The following SPAG1 variants were observed in gnomAD, a reference collection of about 807,000 sequenced individuals.
SPAG1 encodes the protein sperm associated antigen 1.
In SPAG1, 69 loss-of-function variants were observed where a neutral mutation model predicts 100.5. That is an observed-to-expected ratio of 0.69 (90% confidence interval 0.57 to 0.84). SPAG1 has a LOEUF of 0.84. SPAG1 is among the 40% of genes least tolerant of loss of function. The probability of loss-of-function intolerance (pLI) is 0.00; values close to 1 mark genes in which losing one functional copy is unlikely to be tolerated. For missense variants in SPAG1, 955 were observed against 1,133.1 expected (o/e 0.84, Z 2.26); for synonymous variants, 336 against 411.6 (o/e 0.82, Z 2.22).
At position 100,240,713 on chromosome 8, in the gene SPAG1, A is replaced by C; in HGVS notation, c.2591A>C (p.Lys864Thr). Residue 864 changes from lysine to threonine, a missense_variant, in exon 18 of 19, where the codon AAA (lysine) becomes ACA (threonine). Transcript: ENST00000388798. Reference protein sequence around the residue: ...IQSLKNNLIEKDPSLVYQHLL... With the variant: ...IQSLKNNLIETDPSLVYQHLL... The stretch of plus-strand genomic sequence containing the variant: ...TCTCTGAAAAATAATCTTATTGAAA[A>C]AGATCCCTCATTGGTGTATCAGCAT... 6.2e-7 allele frequency: 1 copy of C among 1,613,802 alleles called. No homozygotes were observed. Among genetic ancestry groups the C allele is most frequent in the Non-Finnish European group, 8.5e-7 (1 of 1,179,898 alleles).
chr8:100,219,023 A>G (rs1422787254), intron 12 of SPAG1, among the ~76,000 whole-genome samples: 2 of 152,182 alleles, frequency 1.3e-5, no homozygotes, highest in Non-Finnish European at 2.9e-5. Context: ...CTCACATTAG[A>G]AAGAACTGAC....
intron 9 of SPAG1, among the ~76,000 whole-genome samples, chr8:100,193,536 G>GA (rs1333835929): frequency 1.7e-4 from 26 of 152,274 alleles, no homozygotes; most frequent in African/African-American, 6.3e-4. Context: ...GAAAATATTT[G>GA]AAAATCGTAT....
Position 100,220,358 on chromosome 8 carries a change from A to G in SPAG1, c.1615A>G (p.Lys539Glu). ...MAYETLEQYG[K>E]AYVDYKTVLQ... Reference sequence around the variant, plus strand: ...CTATGAAACTCTAGAGCAGTATGGGAAAGCTTATGTGGATTATAAAACAGT... The same window carrying G: ...CTATGAAACTCTAGAGCAGTATGGGGAAGCTTATGTGGATTATAAAACAGT... Residue 539 changes from lysine (K) to glutamate (E), a missense_variant, in exon 13 of 19, where the codon AAA becomes GAA. Lys to Glu is a moderately conservative substitution (Grantham distance 56, BLOSUM62 1). Transcript: ENST00000388798. The G allele has an allele frequency of 1.2e-6, 2 of 1,614,060 alleles. No homozygotes were observed. The highest frequency in any genetic ancestry group is 1.7e-6 in the Non-Finnish European group (2 of 1,179,920).
intron 2 of SPAG1, among the ~76,000 whole-genome samples, chr8:100,163,935 A>G (rs949853955): frequency 3.3e-5 from 5 of 152,216 alleles, no homozygotes; most frequent in African/African-American, 1.2e-4. Context: ...TAATTCAGTG[A>G]TAATATATTG....
intron 13 of SPAG1, among the ~76,000 whole-genome samples, chr8:100,222,814 C>T (rs1818341407): frequency 6.6e-6 from 1 of 152,154 alleles, no homozygotes; most frequent in African/African-American, 2.4e-5. Flanking sequence ...ATGTGCAATG[C>T]AGTGGCATTT....
At chr8:100,214,854 C>A (rs1817894080) in intron 12 of SPAG1, among the ~76,000 whole-genome samples, 1 of 151,584 alleles carries the variant, frequency 6.6e-6, no homozygotes, top group African/African-American at 2.4e-5. Flanking sequence ...GTGGCATACC[C>A]TTGTAGTCTC....
At chr8:100,225,863 T>C (rs1818487208) in intron 14 of SPAG1, among the ~76,000 whole-genome samples, 1 of 152,092 alleles carries the variant, frequency 6.6e-6, no homozygotes, top group African/African-American at 2.4e-5. Context: ...GACAGGGGCT[T>C]GCTCTGTCAC....
At chr8:100,231,915 T>C (rs1183646015) in intron 15 of SPAG1, among the ~76,000 whole-genome samples, 1 of 150,302 alleles carries the variant, frequency 6.7e-6, no homozygotes, top group East Asian at 2.0e-4. Context: ...TGAGCCGAGA[T>C]AGCACCACTG....
intron 8 of SPAG1, among the ~76,000 whole-genome samples, chr8:100,190,421 G>C (rs938635005): frequency 6.6e-6 from 1 of 151,814 alleles, no homozygotes; most frequent in African/African-American, 2.4e-5. Flanking sequence ...TTAATGATGA[G>C]TCTAGAGAGG....
intron 10 of SPAG1, among the ~76,000 whole-genome samples, chr8:100,206,017 C>CAAAAAAAAAAAAAAAAAAA (rs574907013): frequency 2.6e-5 from 2 of 77,350 alleles, no homozygotes; most frequent in African/African-American, 1.0e-4. Context: ...GACTCTGTCT[C>CAAAAAAAAAAAAAAAAAAA]AAAAAAAAAA....
intron 14 of SPAG1, 70 bp from the exon 15 acceptor site, chr8:100,231,086 T>C (rs1818746529): frequency 1.5e-6 from 2 of 1,374,760 alleles, no homozygotes; most frequent in Admixed American, 2.3e-5. Flanking sequence ...GATTTACTTA[T>C]AGTTGTACTT....
At position 100,239,425 on chromosome 8, in the gene SPAG1, T is replaced by C. The variant is rs1469270513; in HGVS notation, c.2280+21T>C. On this transcript the variant is annotated intron_variant, in intron 17 of 18. Coordinates refer to ENST00000388798, the MANE Select transcript of SPAG1 (RefSeq NM_003114.5). The surrounding 1 kb of genome is among the most constrained non-coding windows in gnomAD (Gnocchi z 5.0). ...AAGAGGTATTTGTATTTGATTATCT[T>C]TGAAAGTACTCCTTTGGGGACCTTA... 23 of 1,463,320 alleles carry C rather than the reference T, an allele frequency of 1.6e-5. No individual in the cohort carries two copies. The highest frequency in any genetic ancestry group is 2.2e-5 in the Non-Finnish European group (23 of 1,044,514). The allele number at this position is 1,463,320 out of a possible 1,614,324, so 90.6% of individuals were successfully genotyped here. A position where few individuals can be genotyped will look rare whatever the true frequency, so the allele number is the denominator to read the frequency against.
In SPAG1 at chr8:100,221,178, T is replaced by C. The variant is rs188402675; in HGVS notation, c.1688+747T>C. Among the ~76,000 whole-genome samples, 165 of 152,380 alleles carry C rather than the reference T, an allele frequency of 1.1e-3. 1 individual carries two copies. The highest frequency in any genetic ancestry group is 3.8e-3 in the African/African-American group (160 of 41,598). The stretch of plus-strand genomic sequence containing the variant: ...GTTGAATCCTCTCCTCCCACAGGAT[T>C]TGCAGGTGTTCATTGGCACCATATC... On this transcript the variant is annotated intron_variant, in intron 13 of 18. Transcript: ENST00000388798.
chr8:100,188,699 A>G (rs1016350419), intron 8 of SPAG1, among the ~76,000 whole-genome samples: 2 of 152,298 alleles, frequency 1.3e-5, no homozygotes, highest in Admixed American at 1.3e-4. Context: ...TAGACACATT[A>G]TATTTCTTTA....
chr8:100,168,909 A>T (rs1265176373), intron 3 of SPAG1, among the ~76,000 whole-genome samples: 1 of 150,964 alleles, frequency 6.6e-6, no homozygotes, highest in African/African-American at 2.4e-5. Context: ...CTGGTCTCGA[A>T]CTCCCAACCT....
intron 10 of SPAG1, among the ~76,000 whole-genome samples, chr8:100,203,617 G>A (rs1192421809): frequency 6.6e-6 from 1 of 152,180 alleles, no homozygotes; most frequent in African/African-American, 2.4e-5. Flanking sequence ...GAGGCAAGGA[G>A]TTTAGTAACT....
At position 100,231,333 on chromosome 8, in the gene SPAG1, GATT is replaced by G. The variant is rs760482376; in HGVS notation, c.1988+50_1988+52del. 1.4e-5 allele frequency: 18 copies of G among 1,271,244 alleles called. No individual in the cohort carries two copies. The East Asian group carries it at 3.2e-4, about 22-fold the overall frequency. 78.7% of individuals were successfully genotyped at this position (1,271,244 alleles called of 1,614,324 possible). On this transcript the variant is annotated intron_variant, in intron 15 of 18. Transcript: ENST00000388798. ...ATATATTTCTTATGTTAATAGTTTT[GATT>G]ATTAAAAATATTTTAAGTTATTTTA...
Position 100,239,612 on chromosome 8 carries a change from G to T in SPAG1, c.2280+208G>T, listed in dbSNP as rs1461256863. ...CAACGTGGGTCCATGGATGGTACTGGGAGTCTCTGCATTACTGCAGTTCTT... is the reference window on the plus strand; with the variant it reads ...CAACGTGGGTCCATGGATGGTACTGTGAGTCTCTGCATTACTGCAGTTCTT... On this transcript the variant is annotated intron_variant, in intron 17 of 18. Coordinates refer to ENST00000388798, the MANE Select transcript of SPAG1 (RefSeq NM_003114.5). This position sits in a 1 kb window ranked among gnomAD's most constrained non-coding sequence, Gnocchi z 5.0. Among the ~76,000 whole-genome samples, 2 of 152,152 alleles carry T rather than the reference G, an allele frequency of 1.3e-5. No individual in the cohort carries two copies. The highest frequency in any genetic ancestry group is 4.8e-5 in the African/African-American group (2 of 41,440).
At chr8:100,161,019 A>G (rs947222440) in intron 1 of SPAG1, among the ~76,000 whole-genome samples, 8 of 152,118 alleles carry the variant, frequency 5.3e-5, no homozygotes, top group Admixed American at 3.3e-4. Context: ...TCCATGGAAA[A>G]AAACCTCTAC....
Sources: allele counts gnomAD v4.1 joint callset (sites outside exome capture counted in the v4.1 genomes callset), GRCh38; gene constraint gnomAD v4.1.1; non-coding constraint Gnocchi (gnomAD v3.1); transcripts MANE v1.5; gene names NCBI Gene and HGNC (gene_info 2026-07-23, HGNC 2026-07-21).